LSAMP: variants seen among roughly 807,000 people sequenced by gnomAD.
LSAMP encodes the protein limbic system associated membrane protein, also known as limbic system-associated membrane protein.
LSAMP carries 7 observed loss-of-function variants against 38.6 expected under a neutral mutation model. The ratio of observed to expected loss-of-function variants is 0.18; its 90% CI spans 0.10 to 0.34. The LOEUF is 0.34. LSAMP is among the 10% of genes least tolerant of loss of function. The probability of loss-of-function intolerance (pLI) is 1.00; values close to 1 mark genes in which losing one functional copy is unlikely to be tolerated. For missense variants in LSAMP, 313 were observed against 420.0 expected (o/e 0.75, Z 2.23); for synonymous variants, 154 against 166.8 (o/e 0.92, Z 0.59).
At chr3:115,945,947 A>T (rs1171727551) in intron 3 of LSAMP, among the ~76,000 whole-genome samples, 1 of 152,184 alleles carries the variant, frequency 6.6e-6, no homozygotes, top group Admixed American at 6.6e-5. Context: ...AAATACAATA[A>T]GAGTTTGAAA....
chr3:115,979,108 T>G (rs908555905), intron 3 of LSAMP, among the ~76,000 whole-genome samples: 1 of 152,022 alleles, frequency 6.6e-6, no homozygotes, highest in Non-Finnish European at 1.5e-5. Context: ...TATCTAAGGG[T>G]TGAAGACGTG....
chr3:116,418,227 A>G (rs1039651748), intron 1 of LSAMP, among the ~76,000 whole-genome samples: 1 of 152,120 alleles, frequency 6.6e-6, no homozygotes, highest in Non-Finnish European at 1.5e-5. Context: ...TCCCAATCCA[A>G]TCTTTAGCAC....
chr3:116,046,172 C>T (rs894348515), intron 2 of LSAMP, among the ~76,000 whole-genome samples: 3 of 152,168 alleles, frequency 2.0e-5, no homozygotes, highest in African/African-American at 7.2e-5. Flanking sequence ...AATTTAAATA[C>T]ACACCAAAGC....
chr3:115,873,553 G>A (rs1277935745), intron 3 of LSAMP, among the ~76,000 whole-genome samples: 1 of 151,956 alleles, frequency 6.6e-6, no homozygotes, highest in Non-Finnish European at 1.5e-5. Context: ...AATTTTTCCG[G>A]TCATTCTATT....
intron 1 of LSAMP, among the ~76,000 whole-genome samples, chr3:116,235,929 T>C (rs2046461233): frequency 6.6e-6 from 1 of 152,194 alleles, no homozygotes; most frequent in Non-Finnish European, 1.5e-5. Flanking sequence ...TTCTAAACAC[T>C]AGTCTTTCAC....
At chr3:116,071,396 C>T (rs62271291) in intron 2 of LSAMP, among the ~76,000 whole-genome samples, 5,351 of 150,594 alleles carry the variant, frequency 0.036, 167 homozygotes, top group Non-Finnish European at 0.051. Context: ...CAAACACACA[C>T]AAGTTTATAA....
intron 1 of LSAMP, among the ~76,000 whole-genome samples, chr3:116,187,913 T>C (rs988989647): frequency 6.6e-6 from 1 of 152,022 alleles, no homozygotes; most frequent in African/African-American, 2.4e-5. Context: ...CTAGTACCCA[T>C]TAGTTATTTT....
chr3:116,383,573 G>A (rs764029809), intron 1 of LSAMP, among the ~76,000 whole-genome samples: 3 of 151,930 alleles, frequency 2.0e-5, no homozygotes, highest in African/African-American at 4.8e-5. Flanking sequence ...CAGTATCCTC[G>A]TCATTACTTT....
At chr3:115,982,808 A>T (rs1939400389) in intron 3 of LSAMP, among the ~76,000 whole-genome samples, 3 of 150,396 alleles carry the variant, frequency 2.0e-5, no homozygotes, top group Non-Finnish European at 1.5e-5. Context: ...TTTTATTTTT[A>T]TTTTTAATCA....
intron 1 of LSAMP, among the ~76,000 whole-genome samples, chr3:116,286,808 G>C (rs1015460516): frequency 6.6e-6 from 1 of 151,364 alleles, no homozygotes; most frequent in African/African-American, 2.4e-5. Context: ...CAGTAGAAGA[G>C]CCTACTATTA....
At chr3:116,435,714 A>G (rs1409564687) in intron 1 of LSAMP, among the ~76,000 whole-genome samples, 1 of 152,152 alleles carries the variant, frequency 6.6e-6, no homozygotes, top group Non-Finnish European at 1.5e-5. Context: ...TTGGGGGAAA[A>G]AAGTTCTGCC....
At chr3:116,332,455 G>A (rs1471823702) in intron 1 of LSAMP, among the ~76,000 whole-genome samples, 2 of 151,960 alleles carry the variant, frequency 1.3e-5, no homozygotes. Context: ...GTTAAATATA[G>A]TTCCCATGCT....
At chr3:116,223,105 G>A (rs1176910311) in intron 1 of LSAMP, among the ~76,000 whole-genome samples, 1 of 151,766 alleles carries the variant, frequency 6.6e-6, no homozygotes, top group African/African-American at 2.4e-5. Flanking sequence ...TGCCAAGAAA[G>A]CAAATTAAGG....
rs1226785478 is a variant in LSAMP at position 116,261,837 on chromosome 3, CAT to C, written c.156-175283_156-175282del. Reference sequence around the variant, plus strand: ...GTGTGTATTATTGATATGTTATGCACATATATGTTATTATAATATAAAATATA... The same window carrying C: ...GTGTGTATTATTGATATGTTATGCACATATGTTATTATAATATAAAATATA... On this transcript the variant is annotated intron_variant, in intron 1 of 6. Coordinates refer to ENST00000490035, the MANE Select transcript of LSAMP (RefSeq NM_002338.5). Among the ~76,000 whole-genome samples, 23 of 149,536 alleles carry C rather than the reference CAT, an allele frequency of 1.5e-4. 1 individual carries two copies. In the East Asian group the frequency reaches 3.1e-3, roughly 20 times the overall value.
intron 2 of LSAMP, among the ~76,000 whole-genome samples, chr3:116,064,636 A>C (rs1941651954): frequency 1.3e-5 from 2 of 152,260 alleles, no homozygotes; most frequent in Admixed American, 1.3e-4. Context: ...AAATGAAAAC[A>C]ACAATAATAC....
At position 115,875,158 on chromosome 3, in the gene LSAMP, G is replaced by A. The variant is rs181057680; in HGVS notation, c.515-22541C>T. ...AATCCCAATCACAAATTATTCTAGA[G>A]GTCCTTACCCAAATATTTTCCTCAG... On this transcript the variant is annotated intron_variant, in intron 3 of 6. Transcript: ENST00000490035. 4.6e-3 allele frequency among the ~76,000 whole-genome samples: 697 copies of A among 152,146 alleles called. 3 individuals carry two copies. The highest frequency in any genetic ancestry group is 7.4e-3 in the Admixed American group (113 of 15,264).
intron 2 of LSAMP, among the ~76,000 whole-genome samples, chr3:116,034,598 G>A (rs1170303154): frequency 6.6e-6 from 1 of 152,146 alleles, no homozygotes; most frequent in Non-Finnish European, 1.5e-5. Flanking sequence ...AATACCATGT[G>A]TAAAATTACA....
chr3:115,907,104 T>C lies in LSAMP; in HGVS notation c.515-54487A>G, dbSNP rs9878851. Reference sequence around the variant, plus strand: ...TGTTAAACAACTCCAGCATACCCAGTGTTATTTGCTACAGTCTCCTTCAAG... The same window carrying C: ...TGTTAAACAACTCCAGCATACCCAGCGTTATTTGCTACAGTCTCCTTCAAG... On this transcript the variant is annotated intron_variant, in intron 3 of 6. Transcript: ENST00000490035. Among the ~76,000 whole-genome samples, 1,478 of 152,224 alleles carry C rather than the reference T, an allele frequency of 9.7e-3. 28 individuals carry two copies. The highest frequency in any genetic ancestry group is 0.033 in the African/African-American group (1,388 of 41,552).
chr3:116,210,809 C>A (rs1025089825), intron 1 of LSAMP, among the ~76,000 whole-genome samples: 2 of 151,920 alleles, frequency 1.3e-5, no homozygotes, highest in African/African-American at 2.4e-5. Context: ...AATGAAAAGT[C>A]AGAGACAGAT....
Sources: gnomAD v4.1 joint callset for allele counts (sites outside exome capture counted in the v4.1 genomes callset) on GRCh38, gnomAD v4.1.1 for gene constraint, MANE v1.5 for transcripts, NCBI Gene and HGNC (gene_info 2026-07-23, HGNC 2026-07-21) for gene names.